Variants in SYNPO2 observed in about 807,000 individuals in gnomAD.
The protein encoded by SYNPO2 is synaptopodin-2.
In SYNPO2, 56 loss-of-function variants were observed where a neutral mutation model predicts 85.0. The ratio of observed to expected loss-of-function variants is 0.66; its 90% CI spans 0.53 to 0.82. The LOEUF (loss-of-function observed/expected upper bound fraction) is 0.82. SYNPO2 is among the 40% of genes least tolerant of loss of function. The pLI is 0.00. For synonymous variants in SYNPO2, 602 were observed against 591.1 expected, an observed-to-expected ratio of 1.02 and a Z score of -0.27; for missense variants, 1,575 against 1,534.2, an observed-to-expected ratio of 1.03 and a Z score of -0.44.
intron 1 of SYNPO2, among the ~76,000 whole-genome samples, chr4:119,007,233 T>TATATATAC (rs1737077292): frequency 2.4e-5 from 1 of 42,090 alleles, no homozygotes; most frequent in African/African-American, 9.9e-5. Context: ...TATATATATA[T>TATATATAC]ATATATATAT....
rs1739282868 is a variant in SYNPO2 at position 119,058,304 on chromosome 4, T to G, written c.*370T>G. On this transcript the variant is annotated 3_prime_UTR_variant, in exon 5 of 5. Coordinates refer to ENST00000307142, the MANE Select transcript of SYNPO2 (RefSeq NM_133477.3). ...TAAAGTAAAACTAAGTATTTCTTCATTGTACCTTAGTCCAGGAAGAAATTA... is the reference window on the plus strand; with the variant it reads ...TAAAGTAAAACTAAGTATTTCTTCAGTGTACCTTAGTCCAGGAAGAAATTA... 1 of 167,478 alleles carries G rather than the reference T, an allele frequency of 6.0e-6. No individual in the cohort carries two copies. 10.4% of individuals were successfully genotyped at this position (167,478 alleles called of 1,614,324 possible).
intron 4 of SYNPO2, among the ~76,000 whole-genome samples, chr4:119,051,998 G>T (rs1317781470): frequency 6.6e-6 from 1 of 152,146 alleles, no homozygotes; most frequent in African/African-American, 2.4e-5. Flanking sequence ...CGTGGAGGGG[G>T]TTTCACCTTT....
At chr4:118,890,963 A>G (rs1732358234) in intron 1 of SYNPO2, among the ~76,000 whole-genome samples, 1 of 152,048 alleles carries the variant, frequency 6.6e-6, no homozygotes, top group Non-Finnish European at 1.5e-5. Context: ...GCCAGGCCTC[A>G]AGAATAGAGT....
intron 1 of SYNPO2, among the ~76,000 whole-genome samples, chr4:118,949,633 C>T (rs778795631): frequency 6.6e-6 from 1 of 151,760 alleles, no homozygotes; most frequent in Non-Finnish European, 1.5e-5. Flanking sequence ...CCTATAATCC[C>T]AGCTACTCGG....
chr4:118,865,759 A>G (rs564744799), intron 1 of SYNPO2, among the ~76,000 whole-genome samples: 1 of 152,328 alleles, frequency 6.6e-6, no homozygotes, highest in South Asian at 2.1e-4. Context: ...AGTGATTTTT[A>G]TTCGAATAGG....
Position 119,031,844 on chromosome 4 carries a change from A to T in SYNPO2, c.3069A>T (p.Ser1023=). ...CACCTACGAATGTGCAGGCTTCGTC[A>T]GTGTACTCGGTACCAGCCTATACCT... is the stretch of plus-strand genomic sequence containing the variant. ...AASPTNVQAS[S]VYSVPAYTSP... Residue 1023 remains serine, a synonymous_variant, in exon 4 of 5, where the codon TCA becomes TCT. Transcript: ENST00000307142. 6.2e-7 allele frequency: 1 copy of T among 1,614,194 alleles called. No individual in the cohort carries two copies. Among genetic ancestry groups the T allele is most frequent in the South Asian group, 1.1e-5 (1 of 91,080 alleles).
chr4:119,003,363 A>T (rs1736894658), intron 1 of SYNPO2, among the ~76,000 whole-genome samples: 1 of 152,298 alleles, frequency 6.6e-6, no homozygotes, highest in South Asian at 2.1e-4. Flanking sequence ...CACCCCCATG[A>T]TCCAATCACC....
At chr4:118,851,908 CTG>C (rs369064316) in intron 1 of SYNPO2, among the ~76,000 whole-genome samples, 125 of 152,116 alleles carry the variant, frequency 8.2e-4, no homozygotes, top group Middle Eastern at 3.4e-3. Flanking sequence ...TTTCAGAAAA[CTG>C]TGGATATTCT....
upstream of SYNPO2, among the ~76,000 whole-genome samples, chr4:118,885,247 C>A (rs1477852508): frequency 6.6e-6 from 1 of 152,182 alleles, no homozygotes; most frequent in African/African-American, 2.4e-5. Flanking sequence ...TATCCGGGAG[C>A]CCTTGAAGAT....
intron 1 of SYNPO2, among the ~76,000 whole-genome samples, chr4:119,009,479 A>G (rs1236132489): frequency 6.6e-6 from 1 of 152,180 alleles, no homozygotes; most frequent in African/African-American, 2.4e-5. Context: ...GGTTCCTTGT[A>G]GGAAAGTCAC....
At chr4:118,999,966 A>G (rs1181353300) in intron 1 of SYNPO2, among the ~76,000 whole-genome samples, 3 of 152,224 alleles carry the variant, frequency 2.0e-5, no homozygotes, top group African/African-American at 7.2e-5. Context: ...AAGTTGAAGG[A>G]GCTTTAGGGA....
At chr4:118,981,448 C>A (rs574907384) in intron 1 of SYNPO2, among the ~76,000 whole-genome samples, 1 of 152,128 alleles carries the variant, frequency 6.6e-6, no homozygotes, top group African/African-American at 2.4e-5. Context: ...ATGTCAATAC[C>A]CTCCTCCGTG....
intron 1 of SYNPO2, among the ~76,000 whole-genome samples, chr4:118,853,786 T>C (rs1731462747): frequency 6.6e-6 from 1 of 152,064 alleles, no homozygotes; most frequent in Admixed American, 6.6e-5. Context: ...AGACTCAATA[T>C]GTAAGAAGCT....
chr4:118,968,669 C>A (rs1359193119), intron 1 of SYNPO2, among the ~76,000 whole-genome samples: 1 of 152,138 alleles, frequency 6.6e-6, no homozygotes, highest in East Asian at 1.9e-4. Flanking sequence ...TTCTGGGAGT[C>A]CCTGGTGGAG....
intron 1 of SYNPO2, among the ~76,000 whole-genome samples, chr4:118,924,747 T>G (rs1733657557): frequency 6.6e-6 from 1 of 152,182 alleles, no homozygotes; most frequent in Non-Finnish European, 1.5e-5. Context: ...AAGCTCAGTA[T>G]TTGGAAATTG....
chr4:118,928,260 T>C (rs1560875225), intron 1 of SYNPO2, among the ~76,000 whole-genome samples: 1 of 152,188 alleles, frequency 6.6e-6, no homozygotes, highest in Non-Finnish European at 1.5e-5. Context: ...TCAGTCCATG[T>C]AGGGGTTTAT....
rs533759243 is a variant in SYNPO2, at chr4:119,060,442, T to G, written c.*2508T>G. 1 of 146,036 alleles carries G rather than the reference T, an allele frequency of 6.8e-6. No homozygotes were observed. Among genetic ancestry groups the G allele is most frequent in the East Asian group, 2.0e-4 (1 of 5,064 alleles). The allele number at this position is 146,036 out of a possible 1,614,324, so 9.0% of individuals were successfully genotyped here. On this transcript the variant is annotated 3_prime_UTR_variant, in exon 5 of 5. Coordinates refer to ENST00000307142, the MANE Select transcript of SYNPO2 (RefSeq NM_133477.3). Reference sequence around the variant, plus strand: ...GTGCCATTGTTAAATCATCCTAAAGTGTACTGTGGGTATTCTCCAGCATAC... The same window carrying G: ...GTGCCATTGTTAAATCATCCTAAAGGGTACTGTGGGTATTCTCCAGCATAC...
At chr4:118,980,529 C>T (rs566724580) in intron 1 of SYNPO2, among the ~76,000 whole-genome samples, 2 of 152,204 alleles carry the variant, frequency 1.3e-5, no homozygotes, top group African/African-American at 4.8e-5. Flanking sequence ...CACACACCCA[C>T]ACATGCCATC....
chr4:118,864,165 T>C (rs1731664504), intron 1 of SYNPO2, among the ~76,000 whole-genome samples: 1 of 152,218 alleles, frequency 6.6e-6, no homozygotes, highest in African/African-American at 2.4e-5. Context: ...CCATTATTAT[T>C]TGTTTCAAGA....
Sources: gnomAD v4.1 joint callset for allele counts (sites outside exome capture counted in the v4.1 genomes callset) on GRCh38, gnomAD v4.1.1 for gene constraint, MANE v1.5 for transcripts, NCBI Gene and HGNC (gene_info 2026-07-23, HGNC 2026-07-21) for gene names.